Variants in CMTM6 observed in about 807,000 individuals in gnomAD.
CMTM6 encodes CKLF like MARVEL transmembrane domain containing 6, also known as CKLF-like MARVEL transmembrane domain-containing protein 6.
In CMTM6, 5 loss-of-function variants were observed where a neutral mutation model predicts 13.6. The observed-to-expected ratio is 0.37, with a 90% confidence interval of 0.19 to 0.77. The LOEUF (loss-of-function observed/expected upper bound fraction) is 0.77. CMTM6 is among the 30% of genes least tolerant of loss of function. The pLI is 0.50. For missense variants in CMTM6, 196 were observed against 218.6 expected, an observed-to-expected ratio of 0.90 and a Z score of 0.65; for synonymous variants, 99 against 84.5, an observed-to-expected ratio of 1.17 and a Z score of -0.94.
chr3:32,495,482 T>C (rs1419773854), intron 1 of CMTM6, among the ~76,000 whole-genome samples: 1 of 152,258 alleles, frequency 6.6e-6, no homozygotes, highest in Non-Finnish European at 1.5e-5. Flanking sequence ...CTTGCCTCTA[T>C]GTTAAATCTT....
chr3:32,497,407 A>AAAAG (rs10663651), intron 1 of CMTM6, among the ~76,000 whole-genome samples: 59,675 of 145,556 alleles, frequency 0.41, 13,497 homozygotes, highest in African/African-American at 0.6. Flanking sequence ...AAAAGAAAGA[A>AAAAG]AAAACTCCTT....
rs534363085 is a variant in CMTM6, at chr3:32,492,231, T to C, written c.139-345A>G. On this transcript the variant is annotated intron_variant, in intron 1 of 3. Coordinates refer to ENST00000205636, the MANE Select transcript of CMTM6 (RefSeq NM_017801.3). ...TGAAGAACAGAGTCAGTTTGGGGGA[T>C]GAAAGATTAAGGAAAGAAATTCCCA... is the stretch of plus-strand genomic sequence containing the variant. 8.0e-4 allele frequency among the ~76,000 whole-genome samples: 121 copies of C among 151,964 alleles called. No homozygotes were observed. The Middle Eastern group carries it at 0.014, about 17-fold the overall frequency.
rs1697155416 is a variant in CMTM6 at position 32,481,741 on chromosome 3, T to TA, written c.*2218dup. On this transcript the variant is annotated 3_prime_UTR_variant, in exon 4 of 4. Coordinates refer to ENST00000205636, the MANE Select transcript of CMTM6 (RefSeq NM_017801.3). ...AAAGGCTAACCATTCATGGGTCCCA[T>TA]AAAAAACAATGTGAAGGAAGGTTCT... The TA allele has an allele frequency of 2.0e-5, 3 of 152,266 alleles. No homozygotes were observed. Among genetic ancestry groups the TA allele is most frequent in the South Asian group, 4.1e-4 (2 of 4,822 alleles). The allele number at this position is 152,266 out of a possible 1,614,324, so 9.4% of individuals were successfully genotyped here.
At chr3:32,490,050 A>G (rs1278607949) in intron 2 of CMTM6, among the ~76,000 whole-genome samples, 1 of 152,182 alleles carries the variant, frequency 6.6e-6, no homozygotes, top group Non-Finnish European at 1.5e-5. Context: ...GTTTGAGACC[A>G]GCCTGGCCAA....
intron 2 of CMTM6, among the ~76,000 whole-genome samples, chr3:32,490,118 C>T (rs555518360): frequency 9.5e-4 from 144 of 152,146 alleles, no homozygotes; most frequent in African/African-American, 3.1e-3. Context: ...TGGTGGCACA[C>T]GCCTGTAATC....
At chr3:32,486,119 G>A (rs60881875) in intron 3 of CMTM6, among the ~76,000 whole-genome samples, 2,525 of 152,156 alleles carry the variant, frequency 0.017, 67 homozygotes, top group African/African-American at 0.058. Flanking sequence ...CTCCTGATCC[G>A]CCCGCCTTGG....
chr3:32,497,105 CG>C lies in CMTM6; in HGVS notation c.139-5220del, dbSNP rs200104369. On this transcript the variant is annotated intron_variant, in intron 1 of 3. Coordinates refer to ENST00000205636, the MANE Select transcript of CMTM6 (RefSeq NM_017801.3). The stretch of plus-strand genomic sequence containing the variant: ...TTTTAAAAAAAGAAAACTCCTACAC[CG>C]GGCGCGGTGGCTCACGCCTGTAATC... Among the ~76,000 whole-genome samples, 15 of 152,238 alleles carry C rather than the reference CG, an allele frequency of 9.9e-5. No homozygotes were observed. In the East Asian group the frequency reaches 2.3e-3, roughly 24 times the overall value.
intron 3 of CMTM6, among the ~76,000 whole-genome samples, chr3:32,484,895 T>C (rs1414808431): frequency 1.3e-5 from 2 of 152,182 alleles, no homozygotes; most frequent in Admixed American, 1.3e-4. Context: ...TGCAGTCTCC[T>C]GACCTCTCCT....
At chr3:32,493,720 G>A (rs1697267777) in intron 1 of CMTM6, among the ~76,000 whole-genome samples, 1 of 152,096 alleles carries the variant, frequency 6.6e-6, no homozygotes, top group Non-Finnish European at 1.5e-5. Flanking sequence ...GCAATCAAAG[G>A]GGTAGTAAAC....
At chr3:32,489,864 G>A (rs1373851553) in intron 2 of CMTM6, among the ~76,000 whole-genome samples, 2 of 152,182 alleles carry the variant, frequency 1.3e-5, no homozygotes, top group Non-Finnish European at 2.9e-5. Context: ...TCTAGAGCCA[G>A]TCTACCTGAG....
At chr3:32,488,270 A>ATCTT (rs1553615156) in intron 2 of CMTM6, 1 of 339,812 alleles carries the variant, frequency 2.9e-6, no homozygotes, top group Non-Finnish European at 5.4e-6. Flanking sequence ...TTACAAGATA[A>ATCTT]ACTTTTAATA....
intron 1 of CMTM6, among the ~76,000 whole-genome samples, chr3:32,495,709 T>C (rs993517897): frequency 1.3e-5 from 2 of 152,230 alleles, no homozygotes; most frequent in Admixed American, 6.5e-5. Flanking sequence ...GCTGCTTGTC[T>C]ACTTTCAGTA....
At chr3:32,487,911 G>A in intron 3 of CMTM6, 27 bp downstream of exon 3, 4 of 1,494,862 alleles carry the variant, frequency 2.7e-6, no homozygotes, top group Non-Finnish European at 3.7e-6. Flanking sequence ...ACAAAAATAA[G>A]CAATGTTAAA....
intron 1 of CMTM6, 115 bp downstream of exon 1, chr3:32,502,493 G>A (rs1212706515): frequency 2.2e-6 from 3 of 1,356,764 alleles, no homozygotes; most frequent in Non-Finnish European, 3.0e-6. Context: ...CTAGAGGTGT[G>A]GAAACCTCCT....
rs1697171727 is a variant in CMTM6 at position 32,483,232 on chromosome 3, A to C, written c.*728T>G. 1 of 152,592 alleles carries C rather than the reference A, an allele frequency of 6.6e-6. No individual in the cohort carries two copies. The allele number at this position is 152,592 out of a possible 1,614,324, so 9.5% of individuals were successfully genotyped here. ...TTCTTCCATTTTTTTATGTGTTACAAAACAATCTTTTTTTTACTTGACATC... is the reference window on the plus strand; with the variant it reads ...TTCTTCCATTTTTTTATGTGTTACACAACAATCTTTTTTTTACTTGACATC... On this transcript the variant is annotated 3_prime_UTR_variant, in exon 4 of 4. Coordinates refer to ENST00000205636, the MANE Select transcript of CMTM6 (RefSeq NM_017801.3).
chr3:32,489,058 G>C (rs1176624844), intron 2 of CMTM6, among the ~76,000 whole-genome samples: 1 of 151,584 alleles, frequency 6.6e-6, no homozygotes, highest in Admixed American at 6.6e-5. Flanking sequence ...CACGAGGTCA[G>C]GAGTTCGAGA....
chr3:32,490,179 G>A (rs546127399), intron 2 of CMTM6, among the ~76,000 whole-genome samples: 7 of 151,402 alleles, frequency 4.6e-5, no homozygotes, highest in Admixed American at 6.6e-5. Flanking sequence ...CCGGGAGGTG[G>A]AAGATGCAGT....
intron 1 of CMTM6, among the ~76,000 whole-genome samples, chr3:32,500,460 A>G (rs1026644496): frequency 2.0e-5 from 3 of 152,246 alleles, no homozygotes; most frequent in African/African-American, 7.2e-5. Context: ...AAAGGCAGTA[A>G]TGAAAAAGTA....
chr3:32,502,832 C>A lies in CMTM6; in HGVS notation c.-87G>T, dbSNP rs1025250216. 7 of 1,347,570 alleles carry A rather than the reference C, an allele frequency of 5.2e-6. No individual in the cohort carries two copies. The highest frequency in any genetic ancestry group is 6.7e-6 in the Non-Finnish European group (7 of 1,048,118). The allele number at this position is 1,347,570 out of a possible 1,614,324, so 83.5% of individuals were successfully genotyped here. ...AAGTCCCCGGTAGCCGGGAGGCGGC[C>A]GTCACTTCCTGGGCCTTCTCCCCGG... On this transcript the variant is annotated 5_prime_UTR_variant, in exon 1 of 4. Coordinates refer to ENST00000205636, the MANE Select transcript of CMTM6 (RefSeq NM_017801.3).
Sources: allele counts gnomAD v4.1 joint callset (sites outside exome capture counted in the v4.1 genomes callset), GRCh38; gene constraint gnomAD v4.1.1; transcripts MANE v1.5; gene names NCBI Gene and HGNC (gene_info 2026-07-23, HGNC 2026-07-21).